ANTXR2: variants seen among roughly 807,000 people sequenced by gnomAD.
The protein encoded by ANTXR2 is ANTXR cell adhesion molecule 2.
ANTXR2 carries 44 observed loss-of-function variants against 73.7 expected under a neutral mutation model. That is an observed-to-expected ratio of 0.60 (90% CI 0.47 to 0.77). The LOEUF is 0.77. Ranked by LOEUF, ANTXR2 falls within the 30% of genes least tolerant of loss-of-function variation. The probability of loss-of-function intolerance (pLI) is 0.00; values close to 1 mark genes in which losing one functional copy is unlikely to be tolerated. For synonymous variants in ANTXR2, 217 were observed against 205.9 expected (o/e 1.05, Z -0.46); for missense variants, 604 against 592.5 (o/e 1.02, Z -0.20).
At chr4:80,062,894 C>T (rs767210533) in intron 3 of ANTXR2, among the ~76,000 whole-genome samples, 4 of 152,032 alleles carry the variant, frequency 2.6e-5, no homozygotes, top group Non-Finnish European at 4.4e-5. Context: ...AATCCTGATA[C>T]ATCATGATGA....
Position 79,926,963 on chromosome 4 carries a change from A to G in ANTXR2, c.1429-19496T>C, listed in dbSNP as rs12644721. Among the ~76,000 whole-genome samples, 312 of 57,704 alleles carry G rather than the reference A, an allele frequency of 5.4e-3. 13 individuals are homozygous for G. In the South Asian group the frequency reaches 0.093, roughly 17 times the overall value. 37.9% of individuals were successfully genotyped at this position (57,704 alleles called of 152,430 possible). On this transcript the variant is annotated intron_variant, in intron 16 of 16. Transcript: ENST00000403729. ...TATATGTGTATATATACGTGTGCATATATGTGTATATATACGTGTGCATAT... is the reference window on the plus strand; with the variant it reads ...TATATGTGTATATATACGTGTGCATGTATGTGTATATATACGTGTGCATAT...
chr4:79,987,821 C>T (rs1415044303), intron 12 of ANTXR2, among the ~76,000 whole-genome samples: 4 of 152,076 alleles, frequency 2.6e-5, no homozygotes, highest in Non-Finnish European at 5.9e-5. Flanking sequence ...TATTCTGCAA[C>T]TTTAAAGAAA....
At chr4:79,928,500 G>A (rs1027042502) in intron 16 of ANTXR2, among the ~76,000 whole-genome samples, 14 of 152,008 alleles carry the variant, frequency 9.2e-5, no homozygotes, top group Non-Finnish European at 1.6e-4. Context: ...TATTCAAATC[G>A]TAAGTCTTAT....
chr4:79,952,779 T>C (rs1416622863), intron 16 of ANTXR2, among the ~76,000 whole-genome samples: 2 of 151,622 alleles, frequency 1.3e-5, no homozygotes, highest in African/African-American at 4.8e-5. Context: ...ACATGGGTAT[T>C]TTTCTTATGC....
chr4:79,908,629 T>C (rs771199593), intron 16 of ANTXR2, among the ~76,000 whole-genome samples: 5 of 152,198 alleles, frequency 3.3e-5, no homozygotes, highest in Admixed American at 6.5e-5. Context: ...TAAATACTTT[T>C]GGAAGCAACA....
In ANTXR2 at chr4:80,036,040, A is replaced by C; in HGVS notation, c.637-8T>G. On this transcript the variant is annotated splice_polypyrimidine_tract_variant and splice_region_variant and intron_variant, in intron 7 of 16. Transcript: ENST00000403729. ...ACATGACTGAGCTAGTATCTAAAAA[A>C]GAAAAAAAAAAAAGATTACCAAGCT... 6.7e-7 allele frequency: 1 copy of C among 1,502,646 alleles called. No individual in the cohort carries two copies. The highest frequency in any genetic ancestry group is 8.9e-7 in the Non-Finnish European group (1 of 1,129,716). 93.1% of individuals were successfully genotyped at this position (1,502,646 alleles called of 1,614,324 possible).
At chr4:80,049,073 C>CA (rs1733651956) in intron 7 of ANTXR2, among the ~76,000 whole-genome samples, 2 of 151,606 alleles carry the variant, frequency 1.3e-5, no homozygotes, top group Non-Finnish European at 3.0e-5. Flanking sequence ...ATTTATAAAA[C>CA]ATGCTTCACA....
chr4:80,002,426 C>T (rs959233330), intron 12 of ANTXR2, among the ~76,000 whole-genome samples: 4 of 152,132 alleles, frequency 2.6e-5, no homozygotes, highest in Non-Finnish European at 4.4e-5. Flanking sequence ...GAAATAAAGA[C>T]TTAAACGTTA....
chr4:80,062,615 A>T (rs1391670365), intron 3 of ANTXR2, among the ~76,000 whole-genome samples: 1 of 152,078 alleles, frequency 6.6e-6, no homozygotes, highest in Non-Finnish European at 1.5e-5. Context: ...GCCTAATGGA[A>T]TTTTTTTTAG....
intron 16 of ANTXR2, among the ~76,000 whole-genome samples, chr4:79,911,521 A>C (rs1727136932): frequency 6.6e-6 from 1 of 151,866 alleles, no homozygotes; most frequent in Non-Finnish European, 1.5e-5. Flanking sequence ...ATAGAGGCTA[A>C]TACTAGTATC....
chr4:79,946,760 T>C (rs1369864732), intron 16 of ANTXR2, among the ~76,000 whole-genome samples: 1 of 152,162 alleles, frequency 6.6e-6, no homozygotes, highest in Admixed American at 6.6e-5. Flanking sequence ...GAATAGGTGA[T>C]GAACCAACAA....
At chr4:79,978,229 G>A (rs1235773513) in intron 14 of ANTXR2, 55 bp from the exon 15 acceptor site, 3 of 1,536,112 alleles carry the variant, frequency 2.0e-6, no homozygotes, top group Non-Finnish European at 2.7e-6. Flanking sequence ...TAGAGGAACA[G>A]GCTCTTATTG....
chr4:79,926,955 G>A (rs62297558), intron 16 of ANTXR2, among the ~76,000 whole-genome samples: 1,675 of 80,500 alleles, frequency 0.021, 59 homozygotes, highest in South Asian at 0.13. Flanking sequence ...GTATATATAC[G>A]TGTGCATATA....
At chr4:80,071,686 C>T in intron 1 of ANTXR2, 32 bp from the exon 2 acceptor site, 1 of 1,536,280 alleles carries the variant, frequency 6.5e-7, no homozygotes, top group South Asian at 1.1e-5. Context: ...ATCAGAGAAA[C>T]AAAACACGGA....
At chr4:80,065,649 T>C (rs1214426753) in intron 3 of ANTXR2, among the ~76,000 whole-genome samples, 1 of 152,252 alleles carries the variant, frequency 6.6e-6, no homozygotes, top group East Asian at 1.9e-4. Flanking sequence ...ACTTTATTCA[T>C]GCATTTACAT....
At position 79,962,888 on chromosome 4, in the gene ANTXR2, T is replaced by A. The variant is rs181730667; in HGVS notation, c.1428+14733A>T. Among the ~76,000 whole-genome samples, 140 of 152,336 alleles carry A rather than the reference T, an allele frequency of 9.2e-4. 1 individual carries two copies. Among genetic ancestry groups the A allele is most frequent in the Admixed American group, 3.7e-3 (57 of 15,304 alleles). Reference sequence around the variant, plus strand: ...CCAGGCTATCAATATACATATATTTTAATGATTTTTTTTAAGAATGCAGTC... The same window carrying A: ...CCAGGCTATCAATATACATATATTTAAATGATTTTTTTTAAGAATGCAGTC... On this transcript the variant is annotated intron_variant, in intron 16 of 16. Transcript: ENST00000403729.
chr4:80,065,108 T>G (rs1734434828), intron 3 of ANTXR2, among the ~76,000 whole-genome samples: 1 of 152,202 alleles, frequency 6.6e-6, no homozygotes, highest in Admixed American at 6.5e-5. Context: ...ATGGAAAGTA[T>G]TTTGCACACT....
In ANTXR2 at chr4:80,069,429, C is replaced by G; in HGVS notation, c.296+7G>C. The G allele has an allele frequency of 1.9e-6, 3 of 1,572,272 alleles. No individual in the cohort carries two copies. Among genetic ancestry groups the G allele is most frequent in the Non-Finnish European group, 2.6e-6 (3 of 1,146,932 alleles). ...AAAAGCCTGCAGTGAAATGATAATG[C>G]ACTAACCTGTCTCCAGTTAATGGCA... On this transcript the variant is annotated splice_region_variant and intron_variant, in intron 3 of 16. Transcript: ENST00000403729.
intron 16 of ANTXR2, among the ~76,000 whole-genome samples, chr4:79,937,415 T>G (rs574374906): frequency 3.3e-5 from 5 of 152,310 alleles, no homozygotes; most frequent in African/African-American, 1.2e-4. Flanking sequence ...ATATCTTCAT[T>G]GAAAGTTTCA....
Sources: gnomAD v4.1 joint callset for allele counts (sites outside exome capture counted in the v4.1 genomes callset) on GRCh38, gnomAD v4.1.1 for gene constraint, MANE v1.5 for transcripts, NCBI Gene and HGNC (gene_info 2026-07-23, HGNC 2026-07-21) for gene names.